Variants in WARS2 observed in about 807,000 individuals in gnomAD.
The protein encoded by WARS2 is tryptophanyl tRNA synthetase 2, mitochondrial.
A neutral mutation model predicts 36.5 loss-of-function variants in WARS2; 28 were observed. The observed-to-expected ratio is 0.77, with a 90% CI of 0.57 to 1.05. The LOEUF (loss-of-function observed/expected upper bound fraction) is 1.05, where lower values mean the gene tolerates loss of function less well. Among genes scored for constraint, WARS2 ranks in the 50% least tolerant of loss-of-function variants. The pLI is 0.00. For missense variants in WARS2, 435 were observed against 456.8 expected (o/e 0.95, Z 0.44); for synonymous variants, 174 against 178.4 (o/e 0.98, Z 0.20).
At chr1:119,058,128 T>C (rs541773716) in intron 2 of WARS2, among the ~76,000 whole-genome samples, 1 of 152,148 alleles carries the variant, frequency 6.6e-6, no homozygotes, top group Non-Finnish European at 1.5e-5. Flanking sequence ...AAGTTGATCT[T>C]TTTTGTGAAT....
intron 4 of WARS2, among the ~76,000 whole-genome samples, chr1:119,039,107 T>C (rs1405608439): frequency 6.6e-6 from 1 of 152,184 alleles, no homozygotes; most frequent in Admixed American, 6.5e-5. Context: ...AAACTTCATT[T>C]CCCCATCTGT....
At chr1:119,135,761 G>GATAGATAGATAGAGAGAT (rs765791930) in intron 1 of WARS2, among the ~76,000 whole-genome samples, 9 of 87,166 alleles carry the variant, frequency 1.0e-4, no homozygotes, top group East Asian at 9.3e-4. Flanking sequence ...TAGAGAGATA[G>GATAGATAGATAGAGAGAT]AGAGAGAGAG....
chr1:119,056,589 A>G (rs1649835264), intron 2 of WARS2, among the ~76,000 whole-genome samples: 1 of 149,526 alleles, frequency 6.7e-6, no homozygotes, highest in African/African-American at 2.4e-5. Context: ...AAGCCCAGTG[A>G]GGCATACTTT....
At chr1:119,132,370 C>T (rs962905578) in intron 1 of WARS2, among the ~76,000 whole-genome samples, 9 of 152,148 alleles carry the variant, frequency 5.9e-5, no homozygotes, top group East Asian at 1.9e-4. Flanking sequence ...AGTAGCCAGT[C>T]GGTGGGCCAA....
At chr1:119,090,147 A>G (rs1652945201) in intron 1 of WARS2, among the ~76,000 whole-genome samples, 1 of 152,122 alleles carries the variant, frequency 6.6e-6, no homozygotes, top group Non-Finnish European at 1.5e-5. Flanking sequence ...AAAAAGAATT[A>G]TAAGCAACTA....
chr1:119,067,554 C>A lies in WARS2; in HGVS notation c.348+8796G>T, dbSNP rs140312345. Among the ~76,000 whole-genome samples the A allele has an allele frequency of 1.3e-3, 193 of 152,338 alleles. 1 individual carries two copies. Among genetic ancestry groups the A allele is most frequent in the Middle Eastern group, 6.8e-3 (2 of 294 alleles). ...AAAGAGGCATTGTCATTAACTTTAT[C>A]TCCATCTTCTAATCCCACTCTACCC... On this transcript the variant is annotated intron_variant, in intron 2 of 5. Coordinates refer to ENST00000235521, the MANE Select transcript of WARS2 (RefSeq NM_015836.4).
chr1:119,053,591 T>C (rs1431473625), intron 2 of WARS2, among the ~76,000 whole-genome samples: 1 of 152,184 alleles, frequency 6.6e-6, no homozygotes, highest in East Asian at 1.9e-4. Flanking sequence ...CCCAGGAACT[T>C]AGGTCCAACA....
At chr1:119,072,543 G>A (rs1245662355) in intron 2 of WARS2, among the ~76,000 whole-genome samples, 1 of 151,966 alleles carries the variant, frequency 6.6e-6, no homozygotes, top group Non-Finnish European at 1.5e-5. Context: ...TTTAAGCCCA[G>A]GACTAACTTT....
At position 119,031,237 on chromosome 1, in the gene WARS2, T is replaced by C. The variant is rs12086; in HGVS notation, c.*1674A>G. On this transcript the variant is annotated 3_prime_UTR_variant, in exon 6 of 6. Coordinates refer to ENST00000235521, the MANE Select transcript of WARS2 (RefSeq NM_015836.4). The stretch of plus-strand genomic sequence containing the variant: ...ACAATTGGCTTGATAGATCTACCTT[T>C]AGTTTTGTCATTTTCCAGTATTCAC... 0.2 allele frequency: 29,949 copies of C among 152,204 alleles called. 3,385 individuals are homozygous for C. The highest frequency in any genetic ancestry group is 0.26 in the Middle Eastern group (76 of 292). 9.4% of individuals were successfully genotyped at this position (152,204 alleles called of 1,614,324 possible).
chr1:119,047,681 T>C (rs934627076), intron 2 of WARS2: 1 of 152,222 alleles, frequency 6.6e-6, no homozygotes. Context: ...TTCATATTCA[T>C]GACAATTGCA....
intron 1 of WARS2, among the ~76,000 whole-genome samples, chr1:119,111,343 T>C (rs1277615603): frequency 1.3e-5 from 2 of 152,204 alleles, no homozygotes; most frequent in African/African-American, 2.4e-5. Context: ...CCTGTGACCC[T>C]GAACTGTGAA....
intron 1 of WARS2, among the ~76,000 whole-genome samples, chr1:119,138,106 A>G (rs921681352): frequency 1.1e-4 from 16 of 152,200 alleles, no homozygotes; most frequent in African/African-American, 3.9e-4. Context: ...ATAAATATAC[A>G]TTTTTTCCCA....
intron 2 of WARS2, among the ~76,000 whole-genome samples, chr1:119,072,095 T>C (rs1419097339): frequency 6.6e-6 from 1 of 152,194 alleles, no homozygotes; most frequent in Non-Finnish European, 1.5e-5. Flanking sequence ...AGATAATAAC[T>C]GTTTCCAGAA....
intron 1 of WARS2, among the ~76,000 whole-genome samples, chr1:119,128,295 CA>C (rs954677775): frequency 2.7e-4 from 41 of 152,170 alleles, no homozygotes; most frequent in Non-Finnish European, 4.0e-4. Flanking sequence ...AGGCTTGTCT[CA>C]AACTCCTCAG....
chr1:119,114,298 T>C (rs1374133015), intron 1 of WARS2, among the ~76,000 whole-genome samples: 1 of 152,190 alleles, frequency 6.6e-6, no homozygotes, highest in Non-Finnish European at 1.5e-5. Flanking sequence ...AGTCTGAAAG[T>C]GCCCAAATGG....
chr1:119,072,791 T>C (rs1170805628), intron 2 of WARS2, among the ~76,000 whole-genome samples: 3 of 152,140 alleles, frequency 2.0e-5, no homozygotes, highest in Admixed American at 6.5e-5. Flanking sequence ...GAATTTATAG[T>C]GGCATGCTAA....
At position 119,090,344 on chromosome 1, in the gene WARS2, T is replaced by G. The variant is rs79740706; in HGVS notation, c.91-13737A>C. Reference sequence around the variant, plus strand: ...CAGCCTTCTTGTGCACTGGCTGTGCTTCCTTGTACAAATCACGGAACTTCC... The same window carrying G: ...CAGCCTTCTTGTGCACTGGCTGTGCGTCCTTGTACAAATCACGGAACTTCC... On this transcript the variant is annotated intron_variant, in intron 1 of 5. Coordinates refer to ENST00000235521, the MANE Select transcript of WARS2 (RefSeq NM_015836.4). Among the ~76,000 whole-genome samples the G allele has an allele frequency of 7.8e-3, 1,193 of 152,238 alleles. 18 individuals are homozygous for G. Among genetic ancestry groups the G allele is most frequent in the African/African-American group, 0.027 (1,115 of 41,544 alleles).
intron 2 of WARS2, among the ~76,000 whole-genome samples, chr1:119,075,413 C>A (rs1651652590): frequency 6.6e-6 from 1 of 152,004 alleles, no homozygotes; most frequent in Admixed American, 6.6e-5. Flanking sequence ...TTTGGTGGTC[C>A]TGGAGCCAAC....
chr1:119,063,777 C>A (rs1158415684), intron 2 of WARS2: 2 of 152,260 alleles, frequency 1.3e-5, no homozygotes, highest in African/African-American at 4.8e-5. Context: ...TTGGGAACCT[C>A]CGCCTAGATT....
Sources: gnomAD v4.1 joint callset for allele counts (sites outside exome capture counted in the v4.1 genomes callset) on GRCh38, gnomAD v4.1.1 for gene constraint, MANE v1.5 for transcripts, NCBI Gene and HGNC (gene_info 2026-07-23, HGNC 2026-07-21) for gene names.